The following PPFIA2 variants were observed in gnomAD, a reference collection of about 807,000 sequenced individuals.
PPFIA2 encodes liprin-alpha-2.
PPFIA2 carries 46 observed loss-of-function variants against 175.5 expected under a neutral mutation model. The observed-to-expected ratio is 0.26, with a 90% CI of 0.21 to 0.34. The LOEUF (loss-of-function observed/expected upper bound fraction) is 0.34. PPFIA2 is among the 10% of genes least tolerant of loss of function. The pLI is 1.00. For missense variants in PPFIA2, 1,179 were observed against 1,506.1 expected (o/e 0.78, Z 3.60); for synonymous variants, 568 against 511.4 (o/e 1.11, Z -1.49).
Position 81,368,044 on chromosome 12 carries a change from T to C in PPFIA2, c.1482+681A>G, listed in dbSNP as rs192951062. The stretch of plus-strand genomic sequence containing the variant: ...AATGGAAAATGTCTAGCTAAAATAG[T>C]GATTGGCATTCAATCTAGATTTCTA... On this transcript the variant is annotated intron_variant, in intron 13 of 32. Coordinates refer to ENST00000549396, the MANE Select transcript of PPFIA2 (RefSeq NM_003625.5). 1.3e-4 allele frequency: 141 copies of C among 1,124,412 alleles called. 1 individual carries two copies. The African/African-American group carries it at 2.1e-3, about 17-fold the overall frequency. The allele number at this position is 1,124,412 out of a possible 1,614,324, so 69.7% of individuals were successfully genotyped here. A position where few individuals can be genotyped will look rare whatever the true frequency, so the allele number is the denominator to read the frequency against.
chr12:81,719,632 T>A (rs1199411049), intron 3 of PPFIA2, among the ~76,000 whole-genome samples: 2 of 151,540 alleles, frequency 1.3e-5, no homozygotes, highest in African/African-American at 4.8e-5. Context: ...CTGAACATCT[T>A]TATATATCTT....
intron 4 of PPFIA2, among the ~76,000 whole-genome samples, chr12:81,488,479 CCTCT>C (rs1309611365): frequency 6.6e-6 from 1 of 151,592 alleles, no homozygotes; most frequent in Non-Finnish European, 1.5e-5. Flanking sequence ...AAGCTATCTC[CCTCT>C]CTTTCTGTCA....
At chr12:81,390,556 G>A (rs2039929750) in intron 8 of PPFIA2, among the ~76,000 whole-genome samples, 1 of 151,714 alleles carries the variant, frequency 6.6e-6, no homozygotes, top group Non-Finnish European at 1.5e-5. Context: ...TGTACTTATT[G>A]TTCATTTGTA....
intron 3 of PPFIA2, among the ~76,000 whole-genome samples, chr12:81,733,102 C>A (rs1180385815): frequency 6.6e-6 from 1 of 151,376 alleles, no homozygotes; most frequent in East Asian, 1.9e-4. Flanking sequence ...CTTTTATTGT[C>A]TCTATATAGT....
intron 4 of PPFIA2, among the ~76,000 whole-genome samples, chr12:81,561,518 A>C (rs189606831): frequency 0.033 from 5,056 of 151,564 alleles, 100 homozygotes; most frequent in African/African-American, 0.037. Flanking sequence ...GTCCCCCCCC[A>C]AAAAAAACGT....
At chr12:81,462,598 A>ATATG (rs2054833873) in intron 4 of PPFIA2, among the ~76,000 whole-genome samples, 1 of 143,786 alleles carries the variant, frequency 7.0e-6, no homozygotes, top group Non-Finnish European at 1.5e-5. Context: ...ATATATATAT[A>ATATG]TATATATATA....
At chr12:81,379,570 T>C (rs1036664891) in intron 9 of PPFIA2, among the ~76,000 whole-genome samples, 2 of 152,140 alleles carry the variant, frequency 1.3e-5, no homozygotes, top group African/African-American at 2.4e-5. Context: ...ATTTGATATA[T>C]CATTATCCAT....
intron 28 of PPFIA2, among the ~76,000 whole-genome samples, chr12:81,268,620 G>A (rs1319426745): frequency 6.6e-6 from 1 of 152,174 alleles, no homozygotes; most frequent in Non-Finnish European, 1.5e-5. Context: ...CAGAGTGTTT[G>A]TTATAGCTAA....
intron 4 of PPFIA2, among the ~76,000 whole-genome samples, chr12:81,461,081 T>C (rs754969905): frequency 2.0e-5 from 3 of 152,124 alleles, no homozygotes; most frequent in African/African-American, 7.2e-5. Context: ...TTAAACCAAC[T>C]TTAACTTTCA....
intron 4 of PPFIA2, among the ~76,000 whole-genome samples, chr12:81,536,300 T>C (rs575370124): frequency 1.1e-3 from 170 of 151,820 alleles, no homozygotes; most frequent in Non-Finnish European, 1.7e-3. Context: ...TTTCCAAATT[T>C]CACTCTAACA....
intron 13 of PPFIA2, among the ~76,000 whole-genome samples, chr12:81,367,519 T>C (rs2033845509): frequency 6.6e-6 from 1 of 151,690 alleles, no homozygotes; most frequent in African/African-American, 2.4e-5. Flanking sequence ...AAGCTAAATC[T>C]TAGAGGTGTT....
intron 6 of PPFIA2, among the ~76,000 whole-genome samples, chr12:81,442,857 A>ATATATATATATATATG (rs2050443291): frequency 1.5e-5 from 1 of 68,672 alleles, no homozygotes; most frequent in Non-Finnish European, 2.9e-5. Context: ...TCATATATAT[A>ATATATATATATATATG]TATATATATA....
intron 4 of PPFIA2, among the ~76,000 whole-genome samples, chr12:81,537,204 T>C (rs1432489435): frequency 6.6e-6 from 1 of 151,810 alleles, no homozygotes; most frequent in Admixed American, 6.6e-5. Context: ...AATTCTTTGA[T>C]GTGTTTAAAG....
chr12:81,504,634 T>C (rs553059765), intron 4 of PPFIA2, among the ~76,000 whole-genome samples: 65 of 152,210 alleles, frequency 4.3e-4, no homozygotes, highest in Non-Finnish European at 8.4e-4. Flanking sequence ...CCCAGCAATC[T>C]CATTACTGGG....
At chr12:81,321,926 A>G (rs536447166) in intron 22 of PPFIA2, among the ~76,000 whole-genome samples, 1 of 152,158 alleles carries the variant, frequency 6.6e-6, no homozygotes, top group South Asian at 2.1e-4. Flanking sequence ...CCCCGAATTC[A>G]TAGGCTCAAG....
intron 4 of PPFIA2, among the ~76,000 whole-genome samples, chr12:81,503,767 T>C (rs2060842452): frequency 6.6e-6 from 1 of 152,092 alleles, no homozygotes; most frequent in African/African-American, 2.4e-5. Flanking sequence ...AAAGCCTAAA[T>C]AGCCATGTAA....
At chr12:81,622,739 A>T (rs552712654) in intron 4 of PPFIA2, among the ~76,000 whole-genome samples, 2 of 152,250 alleles carry the variant, frequency 1.3e-5, no homozygotes, top group South Asian at 4.1e-4. Flanking sequence ...CCTGAACCCA[A>T]CAGAATAGAA....
At chr12:81,713,082 G>C (rs2078154411) in intron 3 of PPFIA2, among the ~76,000 whole-genome samples, 1 of 150,968 alleles carries the variant, frequency 6.6e-6, no homozygotes, top group South Asian at 2.1e-4. Context: ...TTACCTGTGT[G>C]ATACATAGCC....
intron 17 of PPFIA2, among the ~76,000 whole-genome samples, chr12:81,350,044 T>A (rs774559954): frequency 7.9e-5 from 12 of 152,172 alleles, no homozygotes; most frequent in Non-Finnish European, 1.2e-4. Flanking sequence ...AATAAACAAC[T>A]ATATTAACCT....
Sources: gnomAD v4.1 joint callset for allele counts (sites outside exome capture counted in the v4.1 genomes callset) on GRCh38, gnomAD v4.1.1 for gene constraint, MANE v1.5 for transcripts, NCBI Gene and HGNC (gene_info 2026-07-23, HGNC 2026-07-21) for gene names.